CORO2B: variants seen among roughly 807,000 people sequenced by gnomAD.
The protein encoded by CORO2B is coronin 2B.
Under a neutral mutation model 58.8 loss-of-function variants are expected in CORO2B, and 26 were observed. The ratio of observed to expected loss-of-function variants is 0.44; its 90% CI spans 0.32 to 0.61. CORO2B has a LOEUF of 0.61. Among genes scored for constraint, CORO2B ranks in the 20% least tolerant of loss-of-function variants. CORO2B has a pLI of 0.04. For missense variants in CORO2B, 460 were observed against 645.1 expected (o/e 0.71, Z 3.11); for synonymous variants, 242 against 253.8 (o/e 0.95, Z 0.44).
chr15:68,673,835 TAAAA>T (rs10579845), intron 2 of CORO2B, among the ~76,000 whole-genome samples: 13 of 92,694 alleles, frequency 1.4e-4, no homozygotes, highest in Admixed American at 6.0e-4. Flanking sequence ...AGACTCCGTC[TAAAA>T]AAAAAAAAAA....
At chr15:68,704,543 G>C (rs989309649) in intron 3 of CORO2B, among the ~76,000 whole-genome samples, 12 of 152,150 alleles carry the variant, frequency 7.9e-5, no homozygotes, top group African/African-American at 2.4e-4. Context: ...CTTCTTGCTT[G>C]TTGGCCAGCT....
At position 68,681,920 on chromosome 15, in the gene CORO2B, T is replaced by A. The variant is rs531293561; in HGVS notation, c.217-13220T>A. 9.2e-5 allele frequency among the ~76,000 whole-genome samples: 14 copies of A among 152,246 alleles called. No individual in the cohort carries two copies. The South Asian group carries it at 2.7e-3, about 29-fold the overall frequency. ...ATGCAGAAAGGGTTTAGGGGCTTCA[T>A]AGATTTAAAGGGCTAGAGCTGGGAC... On this transcript the variant is annotated intron_variant, in intron 2 of 11. Coordinates refer to ENST00000261861, the MANE Select transcript of CORO2B (RefSeq NM_006091.5).
chr15:68,692,261 C>G (rs1197786376), intron 2 of CORO2B, among the ~76,000 whole-genome samples: 1 of 152,172 alleles, frequency 6.6e-6, no homozygotes, highest in African/African-American at 2.4e-5. Flanking sequence ...CCTAATAAAT[C>G]TGAGTCACAT....
At chr15:68,555,356 A>G in the CORO2B span, among the ~76,000 whole-genome samples, 1 of 152,154 alleles carries the variant, frequency 6.6e-6, no homozygotes, top group Admixed American at 6.5e-5. Context: ...TCTTTTGCAA[A>G]TGAGTAAATA....
rs541786058 is a variant in CORO2B at position 68,664,839 on chromosome 15, A to G, written c.216+19479A>G. ...CTTTTTGTGTGAATTGTCTGTCCAT[A>G]TTCTTCACCTATTTTTTATAGGGTC... is the stretch of plus-strand genomic sequence containing the variant. On this transcript the variant is annotated intron_variant, in intron 2 of 11. Transcript: ENST00000261861. Among the ~76,000 whole-genome samples the G allele has an allele frequency of 3.3e-5, 5 of 152,248 alleles. No individual in the cohort carries two copies. The South Asian group carries it at 1.0e-3, about 32-fold the overall frequency.
intron 2 of CORO2B, among the ~76,000 whole-genome samples, chr15:68,653,251 T>TTTCA (rs1901698171): frequency 6.6e-6 from 1 of 151,916 alleles, no homozygotes; most frequent in African/African-American, 2.4e-5. Context: ...GCCTGCTAGG[T>TTTCA]TTCAGTCAGA....
chr15:68,643,615 G>A (rs1264597812), intron 1 of CORO2B, among the ~76,000 whole-genome samples: 1 of 152,166 alleles, frequency 6.6e-6, no homozygotes, highest in East Asian at 1.9e-4. Context: ...CAGGGGTTGG[G>A]GCCCAGAGAG....
At chr15:68,663,343 T>C (rs992387799) in intron 2 of CORO2B, among the ~76,000 whole-genome samples, 2 of 152,240 alleles carry the variant, frequency 1.3e-5, no homozygotes, top group Admixed American at 6.5e-5. Context: ...TTCACTATCA[T>C]AGACAGTGCT....
intron 3 of CORO2B, among the ~76,000 whole-genome samples, chr15:68,700,446 C>T (rs1191742538): frequency 6.7e-6 from 1 of 149,324 alleles, no homozygotes; most frequent in Non-Finnish European, 1.5e-5. Context: ...TCCCCATATC[C>T]CCCAGCCCTG....
intron 2 of CORO2B, among the ~76,000 whole-genome samples, chr15:68,685,957 C>T (rs767805423): frequency 3.3e-5 from 5 of 149,254 alleles, no homozygotes; most frequent in African/African-American, 4.9e-5. Flanking sequence ...TAAGGGGCTT[C>T]GCAACTGAGC....
chr15:68,719,515 A>G lies in CORO2B; in HGVS notation c.1274A>G (p.Asp425Gly). Residue 425 changes from aspartate (D) to glycine (G), a missense_variant, in exon 11 of 12, where the codon GAT (aspartate) becomes GGT (glycine). Coordinates refer to ENST00000261861, the MANE Select transcript of CORO2B (RefSeq NM_006091.5). ...EKKSVVVNGI[D>G]LLENVPPRTE... Reference sequence around the variant, plus strand: ...AAGAGTGTTGTGGTCAACGGAATAGATTTATTAGAAAATGTCCCACCCAGG... The same window carrying G: ...AAGAGTGTTGTGGTCAACGGAATAGGTTTATTAGAAAATGTCCCACCCAGG... 1.2e-6 allele frequency: 2 copies of G among 1,614,176 alleles called. No individual in the cohort carries two copies. The highest frequency in any genetic ancestry group is 8.5e-7 in the Non-Finnish European group (1 of 1,180,022).
At chr15:68,653,751 T>C (rs1029040629) in intron 2 of CORO2B, among the ~76,000 whole-genome samples, 5 of 134,864 alleles carry the variant, frequency 3.7e-5, no homozygotes, top group African/African-American at 1.4e-4. Flanking sequence ...TGTAATAAAA[T>C]AATATTTTGT....
At position 68,579,141 on chromosome 15, in the gene CORO2B, C is replaced by A. The variant is rs1346231346; in HGVS notation, c.-122C>A. On this transcript the variant is annotated 5_prime_UTR_variant, in exon 1 of 12. Transcript: ENST00000261861. ...AGCGCAGCCCCCAGGCTCGGCCGAG[C>A]CGCCGGCGGGGCGCGGGGAGCGAGC... 4 of 981,532 alleles carry A rather than the reference C, an allele frequency of 4.1e-6. No homozygotes were observed. Among genetic ancestry groups the A allele is most frequent in the Non-Finnish European group, 4.8e-6 (4 of 828,316 alleles). The allele number at this position is 981,532 out of a possible 1,614,324, so 60.8% of individuals were successfully genotyped here. A position where few individuals can be genotyped will look rare whatever the true frequency, so the allele number is the denominator to read the frequency against.
intron 1 of CORO2B, among the ~76,000 whole-genome samples, chr15:68,628,548 G>A (rs927803105): frequency 6.6e-6 from 1 of 152,202 alleles, no homozygotes; most frequent in East Asian, 1.9e-4. Context: ...AATAGAAACA[G>A]GTGAGTCAAG....
chr15:68,550,884 C>T, the CORO2B span, among the ~76,000 whole-genome samples: 47 of 152,332 alleles, frequency 3.1e-4, no homozygotes, highest in East Asian at 4.3e-3. Flanking sequence ...AGCCAGGACT[C>T]GAACGCAGCC....
intron 1 of CORO2B, among the ~76,000 whole-genome samples, chr15:68,607,776 T>A (rs1339834815): frequency 6.6e-6 from 1 of 151,218 alleles, no homozygotes. Context: ...TAAGATTGTG[T>A]TACTACACTC....
intron 1 of CORO2B, among the ~76,000 whole-genome samples, chr15:68,639,528 G>C (rs981384273): frequency 6.6e-6 from 1 of 152,228 alleles, no homozygotes; most frequent in African/African-American, 2.4e-5. Flanking sequence ...CAGGGTGGCA[G>C]AACCAAGGTG....
chr15:68,518,706 C>T, the CORO2B span, among the ~76,000 whole-genome samples: 2 of 152,166 alleles, frequency 1.3e-5, no homozygotes, highest in Non-Finnish European at 2.9e-5. Flanking sequence ...CCTAGGGTCC[C>T]CAGGGGCTTC....
At chr15:68,538,126 C>A in the CORO2B span, among the ~76,000 whole-genome samples, 2 of 152,132 alleles carry the variant, frequency 1.3e-5, no homozygotes, top group East Asian at 1.9e-4. Context: ...TTGATCGGAT[C>A]TCCTTCAAAT....
Sources: gnomAD v4.1 joint callset for allele counts (sites outside exome capture counted in the v4.1 genomes callset) on GRCh38, gnomAD v4.1.1 for gene constraint, MANE v1.5 for transcripts, NCBI Gene and HGNC (gene_info 2026-07-23, HGNC 2026-07-21) for gene names.